Variants in CADM2 observed in about 807,000 individuals in gnomAD.
CADM2 encodes immunoglobulin superfamily member 4D.
Under a neutral mutation model 49.8 loss-of-function variants are expected in CADM2, and 12 were observed. The ratio of observed to expected loss-of-function variants is 0.24; its 90% CI spans 0.15 to 0.39. The LOEUF (loss-of-function observed/expected upper bound fraction) is 0.39, where lower values mean the gene tolerates loss of function less well. Among genes scored for constraint, CADM2 ranks in the 10% least tolerant of loss-of-function variants. The probability of loss-of-function intolerance (pLI) is 1.00; values close to 1 mark genes in which losing one functional copy is unlikely to be tolerated. For missense variants in CADM2, 378 were observed against 492.3 expected (o/e 0.77, Z 2.20); for synonymous variants, 214 against 175.4 (o/e 1.22, Z -1.74).
At chr3:85,652,790 T>TTTTTTTTTTTTTTTTTTTTTTTTTTTC (rs2065088302) in intron 1 of CADM2, among the ~76,000 whole-genome samples, 1 of 133,558 alleles carries the variant, frequency 7.5e-6, no homozygotes, top group Non-Finnish European at 1.6e-5. Context: ...TTTTTTTTTT[T>TTTTTTTTTTTTTTTTTTTTTTTTTTTC]TTTTTTAGAC....
intron 1 of CADM2, among the ~76,000 whole-genome samples, chr3:85,699,754 T>A (rs1001823956): frequency 6.6e-6 from 1 of 152,214 alleles, no homozygotes; most frequent in Admixed American, 6.5e-5. Context: ...CAGGAAGATA[T>A]CCAAAATGCC....
intron 1 of CADM2, among the ~76,000 whole-genome samples, chr3:85,200,483 C>T (rs527527135): frequency 6.6e-6 from 1 of 152,178 alleles, no homozygotes; most frequent in Non-Finnish European, 1.5e-5. Context: ...ATGTACCCTT[C>T]ACTTGGACTG....
At chr3:86,016,635 G>A (rs1356579744) in intron 8 of CADM2, among the ~76,000 whole-genome samples, 1 of 152,072 alleles carries the variant, frequency 6.6e-6, no homozygotes, top group Non-Finnish European at 1.5e-5. Flanking sequence ...GTGCGGGGAG[G>A]TGGAAAACTT....
chr3:85,991,693 A>G (rs1171278673), intron 8 of CADM2, among the ~76,000 whole-genome samples: 3 of 152,146 alleles, frequency 2.0e-5, no homozygotes, highest in Non-Finnish European at 2.9e-5. Context: ...ATTTTCAGTC[A>G]TTATCATAAT....
intron 1 of CADM2, among the ~76,000 whole-genome samples, chr3:85,293,060 A>G (rs2043848669): frequency 6.6e-6 from 1 of 152,210 alleles, no homozygotes; most frequent in Non-Finnish European, 1.5e-5. Context: ...AAGAGAAAAA[A>G]AGAGAGAAGA....
chr3:85,882,079 T>C (rs1231151961), intron 3 of CADM2, among the ~76,000 whole-genome samples: 5 of 152,012 alleles, frequency 3.3e-5, no homozygotes, highest in Non-Finnish European at 4.4e-5. Context: ...GGCCTAGGGA[T>C]TGGGGACCCC....
chr3:85,293,351 C>A (rs954050971), intron 1 of CADM2, among the ~76,000 whole-genome samples: 1 of 150,582 alleles, frequency 6.6e-6, no homozygotes, highest in Non-Finnish European at 1.5e-5. Context: ...CCGAATTCTA[C>A]CAGAGGTACA....
At chr3:85,541,775 T>TTTATATATATATATATATATATATATATA (rs2061552643) in intron 1 of CADM2, among the ~76,000 whole-genome samples, 1 of 88,320 alleles carries the variant, frequency 1.1e-5, no homozygotes, top group Admixed American at 1.4e-4. Context: ...ATTTTATATT[T>TTTATATATATATATATATATATATATATA]TATATATATA....
chr3:85,532,839 A>G (rs546311409), intron 1 of CADM2, among the ~76,000 whole-genome samples: 2 of 152,318 alleles, frequency 1.3e-5, no homozygotes, highest in South Asian at 4.1e-4. Context: ...AAAAAATGAG[A>G]TAATGTCCTT....
chr3:85,491,683 G>A (rs1472093650), intron 1 of CADM2, among the ~76,000 whole-genome samples: 2 of 152,056 alleles, frequency 1.3e-5, no homozygotes, highest in African/African-American at 2.4e-5. Context: ...CGGGCACGGT[G>A]GCTCACACCT....
At position 85,582,366 on chromosome 3, in the gene CADM2, C is replaced by T. The variant is rs191245075; in HGVS notation, c.62-144156C>T. On this transcript the variant is annotated intron_variant, in intron 1 of 9. Coordinates refer to ENST00000383699, the MANE Select transcript of CADM2 (RefSeq NM_001167675.2). ...CAATCAATGGAATCCAAAAATTGTT[C>T]TAGCAGATGATAACTGATTCATTGA... is the stretch of plus-strand genomic sequence containing the variant. 3.5e-4 allele frequency among the ~76,000 whole-genome samples: 53 copies of T among 152,256 alleles called. No individual in the cohort carries two copies. In the East Asian group the frequency reaches 8.7e-3, roughly 25 times the overall value.
chr3:85,672,439 G>C (rs1402801588), intron 1 of CADM2, among the ~76,000 whole-genome samples: 1 of 151,850 alleles, frequency 6.6e-6, no homozygotes, highest in African/African-American at 2.4e-5. Flanking sequence ...TGATCCGCTC[G>C]CCTTGGCTTT....
chr3:85,666,908 G>C lies in CADM2; in HGVS notation c.62-59614G>C, dbSNP rs142868539. 3.3e-5 allele frequency among the ~76,000 whole-genome samples: 5 copies of C among 152,060 alleles called. No individual in the cohort carries two copies. In the East Asian group the frequency reaches 7.7e-4, roughly 23 times the overall value. On this transcript the variant is annotated intron_variant, in intron 1 of 9. Transcript: ENST00000383699. ...GTTAAGGGATGTCATAGTTTTCCAA[G>C]CTACCCTGTACATATATTCTAAAAT... is the stretch of plus-strand genomic sequence containing the variant.
At chr3:85,649,620 G>A (rs924316817) in intron 1 of CADM2, among the ~76,000 whole-genome samples, 1 of 152,162 alleles carries the variant, frequency 6.6e-6, no homozygotes, top group African/African-American at 2.4e-5. Context: ...AGATTTATGA[G>A]ATTATAGATC....
In CADM2 at chr3:85,515,631, A is replaced by ATTT. The variant is rs1553734357; in HGVS notation, c.62-210881_62-210879dup. Among the ~76,000 whole-genome samples the ATTT allele has an allele frequency of 3.8e-3, 450 of 118,372 alleles. 8 individuals are homozygous for ATTT. In the East Asian group the frequency reaches 0.048, roughly 13 times the overall value. 77.7% of individuals were successfully genotyped at this position (118,372 alleles called of 152,430 possible). ...CACTAATATATATATATATATATAT[A>ATTT]TTTTTTTTTTTTGTATCTTTAGTAG... is the stretch of plus-strand genomic sequence containing the variant. On this transcript the variant is annotated intron_variant, in intron 1 of 9. Coordinates refer to ENST00000383699, the MANE Select transcript of CADM2 (RefSeq NM_001167675.2).
At chr3:85,121,618 T>C (rs946078729) in intron 1 of CADM2, among the ~76,000 whole-genome samples, 1 of 152,194 alleles carries the variant, frequency 6.6e-6, no homozygotes, top group Admixed American at 6.5e-5. Flanking sequence ...GATACATCAA[T>C]AAATAATTTA....
intron 1 of CADM2, among the ~76,000 whole-genome samples, chr3:85,664,939 T>A (rs1479597647): frequency 2.0e-5 from 3 of 152,002 alleles, no homozygotes; most frequent in Admixed American, 2.0e-4. Flanking sequence ...TTTACTCACT[T>A]TAATTTTGTT....
At chr3:86,007,446 A>G (rs757798776) in intron 8 of CADM2, among the ~76,000 whole-genome samples, 2 of 152,192 alleles carry the variant, frequency 1.3e-5, no homozygotes, top group Non-Finnish European at 2.9e-5. Context: ...ACTGATTGTC[A>G]TGAAACATAT....
At chr3:85,987,858 T>A (rs902245519) in intron 8 of CADM2, among the ~76,000 whole-genome samples, 23 of 151,006 alleles carry the variant, frequency 1.5e-4, no homozygotes, top group African/African-American at 1.7e-4. Context: ...TCTCTAAATT[T>A]AAAAAAAAAT....
Sources: allele counts gnomAD v4.1 joint callset (sites outside exome capture counted in the v4.1 genomes callset), GRCh38; gene constraint gnomAD v4.1.1; transcripts MANE v1.5; gene names NCBI Gene and HGNC (gene_info 2026-07-23, HGNC 2026-07-21).